LCN9: variants seen among roughly 807,000 people sequenced by gnomAD.
LCN9 encodes lipocalin 9.
In LCN9, 22 loss-of-function variants were observed where a neutral mutation model predicts 18.5. The observed-to-expected ratio is 1.19, with a 90% CI of 0.85 to 1.70. The LOEUF (loss-of-function observed/expected upper bound fraction) is 1.70. LCN9 is among the 40% of genes most tolerant of loss of function. The pLI is 0.00. For missense variants in LCN9, 202 were observed against 201.3 expected (o/e 1.00, Z -0.02); for synonymous variants, 89 against 83.0 (o/e 1.07, Z -0.39).
In LCN9 at chr9:135,664,880, C is replaced by G; in HGVS notation, c.307+85C>G. ...TGGGCCATATTCTGGTGAGCACTGA[C>G]TCTGGGGATTTTAGTTAAGCCCCTG... On this transcript the variant is annotated intron_variant, in intron 3 of 5. Transcript: ENST00000619315. The surrounding 1 kb of genome is among the most constrained non-coding windows in gnomAD (Gnocchi z 4.5). 7 of 1,384,950 alleles carry G rather than the reference C, an allele frequency of 5.1e-6. No homozygotes were observed. Among genetic ancestry groups the G allele is most frequent in the Non-Finnish European group, 6.9e-6 (7 of 1,009,532 alleles). 85.8% of individuals were successfully genotyped at this position (1,384,950 alleles called of 1,614,324 possible).
In LCN9 at chr9:135,666,023, C is replaced by T. The variant is rs984532301; in HGVS notation, c.*172C>T. 8.1e-6 allele frequency: 13 copies of T among 1,599,880 alleles called. No homozygotes were observed. The African/African-American group carries it at 9.3e-5, about 11-fold the overall frequency. On this transcript the variant is annotated 3_prime_UTR_variant, in exon 6 of 6. Coordinates refer to ENST00000619315, the Ensembl canonical transcript of LCN9. ...CCATCCCTCCCCCTGGTCTGGGAAC[C>T]GAACACAAGGTGCTTTGGTGAAAGA...
In LCN9 at chr9:135,665,608, C is replaced by A. The variant is rs1397576346; in HGVS notation, c.419-80C>A. ...CCAGCCTCAGCACTTCCTGAGCACC[C>A]CCAGCAAGGCCCAGCTTCACACAGA... On this transcript the variant is annotated intron_variant, in intron 4 of 5. Coordinates refer to ENST00000619315, the Ensembl canonical transcript of LCN9. This position sits in a 1 kb window ranked among gnomAD's most constrained non-coding sequence, Gnocchi z 5.9. 4 of 1,410,350 alleles carry A rather than the reference C, an allele frequency of 2.8e-6. No homozygotes were observed. Among genetic ancestry groups the A allele is most frequent in the African/African-American group, 1.4e-5 (1 of 70,506 alleles). The allele number at this position is 1,410,350 out of a possible 1,614,324, so 87.4% of individuals were successfully genotyped here.
At chr9:135,663,439 T>C (rs1564285621) in intron 1 of LCN9, 22 bp downstream of exon 1, 8 of 1,605,578 alleles carry the variant, frequency 5.0e-6, no homozygotes, top group Non-Finnish European at 6.8e-6. Context: ...TTGGGGTCTG[T>C]GGGGAAGGGG....
chr9:135,663,524 GC>G, intron 1 of LCN9, 107 bp downstream of exon 1: 1 of 694,732 alleles, frequency 1.4e-6, no homozygotes, highest in Non-Finnish European at 2.3e-6. Flanking sequence ...TCCAAGGGGA[GC>G]CCACCTCTCC....
rs747892840 is a variant in LCN9, at chr9:135,663,428, G to A, written c.96+11G>A. ...TACAACGTGGCCAGGGTGTGTCTGC[G>A]TTGGGGTCTGTGGGGAAGGGGCCAG... On this transcript the variant is annotated intron_variant, in intron 1 of 5. Transcript: ENST00000619315. The A allele has an allele frequency of 1.4e-5, 22 of 1,611,880 alleles. No homozygotes were observed. The highest frequency in any genetic ancestry group is 3.3e-5 in the South Asian group (3 of 91,040).
At position 135,664,916 on chromosome 9, in the gene LCN9, C is replaced by A. The variant is rs530839291; in HGVS notation, c.307+121C>A. 14 of 1,100,082 alleles carry A rather than the reference C, an allele frequency of 1.3e-5. No individual in the cohort carries two copies. In the Admixed American group the frequency reaches 1.5e-4, roughly 12 times the overall value. The allele number at this position is 1,100,082 out of a possible 1,614,324, so 68.1% of individuals were successfully genotyped here. A position where few individuals can be genotyped will look rare whatever the true frequency, so the allele number is the denominator to read the frequency against. On this transcript the variant is annotated intron_variant, in intron 3 of 5. Coordinates refer to ENST00000619315, the Ensembl canonical transcript of LCN9. The surrounding 1 kb of genome is among the most constrained non-coding windows in gnomAD (Gnocchi z 4.5). ...TTAGTTAAGCCCCTGACAGCTTGACCCTGAACTGGAGGGACCCATCCTGGC... is the reference window on the plus strand; with the variant it reads ...TTAGTTAAGCCCCTGACAGCTTGACACTGAACTGGAGGGACCCATCCTGGC...
chr9:135,664,655 G>T lies in LCN9; in HGVS notation c.234-67G>T. The T allele has an allele frequency of 7.3e-7, 1 of 1,375,432 alleles. No individual in the cohort carries two copies. Among genetic ancestry groups the T allele is most frequent in the African/African-American group, 1.5e-5 (1 of 68,380 alleles). 85.2% of individuals were successfully genotyped at this position (1,375,432 alleles called of 1,614,324 possible). On this transcript the variant is annotated intron_variant, in intron 2 of 5. Transcript: ENST00000619315. This position sits in a 1 kb window ranked among gnomAD's most constrained non-coding sequence, Gnocchi z 4.5. ...TGAGCCTGTGCCCTGGAGGAGGGGT[G>T]CTCTCTGCCATCGCACGTCCAGGGG... is the stretch of plus-strand genomic sequence containing the variant.
Position 135,665,245 on chromosome 9 carries a change from A to T in LCN9, c.308A>T (p.Tyr103Phe). ...CACGCTGAGCCATGTCTCCACGCAGATGAGGGCCAGAACACAGTGGCCGTC... is the reference window on the plus strand; with the variant it reads ...CACGCTGAGCCATGTCTCCACGCAGTTGAGGGCCAGAACACAGTGGCCGTC... The change falls in exon 4 of 6, where the codon TAT becomes TTT. Residue 103 changes from tyrosine to phenylalanine, a missense_variant and splice_region_variant. Coordinates refer to ENST00000619315, the Ensembl canonical transcript of LCN9. This position sits in a 1 kb window ranked among gnomAD's most constrained non-coding sequence, Gnocchi z 5.9. The T allele has an allele frequency of 6.3e-7, 1 of 1,584,458 alleles. No homozygotes were observed.
In LCN9 at chr9:135,663,391, A is replaced by G. The variant is rs200437673; in HGVS notation, c.70A>G (p.Met24Val). 3.4e-3 allele frequency: 5,503 copies of G among 1,613,904 alleles called. 18 individuals carry two copies. Among genetic ancestry groups the G allele is most frequent in the Middle Eastern group, 0.012 (73 of 6,058 alleles). Residue 24 changes from methionine to valine, a missense_variant, in exon 1 of 6, where the codon ATG becomes GTG. Physicochemically the swap from Met to Val is conservative, Grantham distance 21. Transcript: ENST00000619315. ...CCAGGAGTTCGATCCCCACACCGTT[A>G]TGCAGAGGAACTACAACGTGGCCAG...
chr9:135,664,812 C>T lies in LCN9; in HGVS notation c.307+17C>T. ...CCATCAACTGTAAGTGGAAGCCAGGCTCCTCCTGGTCTCACAGTCGGGGGT... is the reference window on the plus strand; with the variant it reads ...CCATCAACTGTAAGTGGAAGCCAGGTTCCTCCTGGTCTCACAGTCGGGGGT... On this transcript the variant is annotated intron_variant, in intron 3 of 5. Coordinates refer to ENST00000619315, the Ensembl canonical transcript of LCN9. The surrounding 1 kb of genome is among the most constrained non-coding windows in gnomAD (Gnocchi z 4.5). The T allele has an allele frequency of 6.4e-7, 1 of 1,569,244 alleles. No individual in the cohort carries two copies. Among genetic ancestry groups the T allele is most frequent in the Non-Finnish European group, 8.6e-7 (1 of 1,157,316 alleles).
In LCN9 at chr9:135,666,855, G is replaced by A. The variant is rs115086941; in HGVS notation, c.*1004G>A. 6.0e-3 allele frequency among the ~76,000 whole-genome samples: 907 copies of A among 151,436 alleles called. 7 individuals carry two copies. The highest frequency in any genetic ancestry group is 0.021 in the African/African-American group (873 of 41,160). On this transcript the variant is annotated 3_prime_UTR_variant, in exon 6 of 6. Transcript: ENST00000619315. ...CCCTCCCCTCCTGTCCCCTCCCTGG[G>A]CTCAGCCACTGCCTTTGGGGGAAGA... is the stretch of plus-strand genomic sequence containing the variant.
chr9:135,666,240 C>T, exon 6 of LCN9: 1 of 1,216,490 alleles, frequency 8.2e-7, no homozygotes, highest in Non-Finnish European at 1.1e-6. Flanking sequence ...GTCCGCAGGG[C>T]TGTGCTCCCT....
Position 135,665,898 on chromosome 9 carries a change from G to T in LCN9, c.*47G>T, listed in dbSNP as rs1330971100. ...CCAAGCATTACAGGAGCCCGCCCAG[G>T]CCTCCCATGCGTGAGCTGCGACTCG... On this transcript the variant is annotated 3_prime_UTR_variant, in exon 6 of 6. Coordinates refer to ENST00000619315, the Ensembl canonical transcript of LCN9. This position sits in a 1 kb window ranked among gnomAD's most constrained non-coding sequence, Gnocchi z 5.9. 3 of 1,611,974 alleles carry T rather than the reference G, an allele frequency of 1.9e-6. No homozygotes were observed. The highest frequency in any genetic ancestry group is 1.7e-6 in the Non-Finnish European group (2 of 1,179,390).
chr9:135,664,722 G>T lies in LCN9; in HGVS notation c.234G>T (p.Met78Ile). 6.3e-7 allele frequency: 1 copy of T among 1,584,498 alleles called. No homozygotes were observed. Among genetic ancestry groups the T allele is most frequent in the East Asian group, 2.3e-5 (1 of 43,738 alleles). The change falls in exon 3 of 6, where the codon ATG (methionine) becomes ATT (isoleucine). Residue 78 changes from methionine to isoleucine, a missense_variant and splice_region_variant. Physicochemically the swap from Met to Ile is conservative, Grantham distance 10. Coordinates refer to ENST00000619315, the Ensembl canonical transcript of LCN9. This position sits in a 1 kb window ranked among gnomAD's most constrained non-coding sequence, Gnocchi z 4.5. ...CGGCATCTTCCTGGCTGGCTTCCAGGGTGCAGGGGGAGTGTGTGGCTGTGG... is the reference window on the plus strand; with the variant it reads ...CGGCATCTTCCTGGCTGGCTTCCAGTGTGCAGGGGGAGTGTGTGGCTGTGG...
chr9:135,664,093 G>C lies in LCN9; in HGVS notation c.97-69G>C, dbSNP rs1031185368. 1.9e-6 allele frequency: 3 copies of C among 1,566,050 alleles called. No homozygotes were observed. The highest frequency in any genetic ancestry group is 2.6e-6 in the Non-Finnish European group (3 of 1,150,280). On this transcript the variant is annotated intron_variant, in intron 1 of 5. Coordinates refer to ENST00000619315, the Ensembl canonical transcript of LCN9. This position sits in a 1 kb window ranked among gnomAD's most constrained non-coding sequence, Gnocchi z 4.5. Reference sequence around the variant, plus strand: ...TAAGGGGCCGGGCCCTGGGAGGGAAGACTGTGGGCGCTAAGCATCCCCAGG... The same window carrying C: ...TAAGGGGCCGGGCCCTGGGAGGGAACACTGTGGGCGCTAAGCATCCCCAGG...
Position 135,664,709 on chromosome 9 carries a change from G to T in LCN9, c.234-13G>T. 1.9e-6 allele frequency: 3 copies of T among 1,573,948 alleles called. No homozygotes were observed. The highest frequency in any genetic ancestry group is 2.6e-6 in the Non-Finnish European group (3 of 1,163,138). ...GGAGCTCCACTCCCGGCATCTTCCTGGCTGGCTTCCAGGGTGCAGGGGGAG... is the reference window on the plus strand; with the variant it reads ...GGAGCTCCACTCCCGGCATCTTCCTTGCTGGCTTCCAGGGTGCAGGGGGAG... On this transcript the variant is annotated splice_polypyrimidine_tract_variant and intron_variant, in intron 2 of 5. Coordinates refer to ENST00000619315, the Ensembl canonical transcript of LCN9. The surrounding 1 kb of genome is among the most constrained non-coding windows in gnomAD (Gnocchi z 4.5).
chr9:135,665,035 G>A lies in LCN9; in HGVS notation c.308-210G>A, dbSNP rs1052968971. 1.3e-5 allele frequency among the ~76,000 whole-genome samples: 2 copies of A among 152,128 alleles called. No individual in the cohort carries two copies. Among genetic ancestry groups the A allele is most frequent in the South Asian group, 2.1e-4 (1 of 4,828 alleles). On this transcript the variant is annotated intron_variant, in intron 3 of 5. Coordinates refer to ENST00000619315, the Ensembl canonical transcript of LCN9. The surrounding 1 kb of genome is among the most constrained non-coding windows in gnomAD (Gnocchi z 5.9). ...GTGAGCCCACTGAGGGGCCACCAGG[G>A]TCTGCAAGCCAATGACAAGGAGGGA...
rs920146875 is a variant in LCN9 at position 135,664,402 on chromosome 9, G to T, written c.233+104G>T. The T allele has an allele frequency of 2.1e-6, 3 of 1,435,662 alleles. No individual in the cohort carries two copies. The Admixed American group carries it at 5.1e-5, about 25-fold the overall frequency. The allele number at this position is 1,435,662 out of a possible 1,614,324, so 88.9% of individuals were successfully genotyped here. A position where few individuals can be genotyped will look rare whatever the true frequency, so the allele number is the denominator to read the frequency against. ...CACACGCTCGCACACTCACTGACTTGCACTCTGGTGAGAGCCTGAGCCTGT... is the reference window on the plus strand; with the variant it reads ...CACACGCTCGCACACTCACTGACTTTCACTCTGGTGAGAGCCTGAGCCTGT... On this transcript the variant is annotated intron_variant, in intron 2 of 5. Transcript: ENST00000619315. The surrounding 1 kb of genome is among the most constrained non-coding windows in gnomAD (Gnocchi z 4.5).
At chr9:135,666,495 G>A (rs1834225057) in exon 6 of LCN9, 1 of 216,850 alleles carries the variant, frequency 4.6e-6, no homozygotes, top group African/African-American at 2.3e-5. Flanking sequence ...CCAGGCACTA[G>A]GAAAGGAGCA....
Sources: gnomAD v4.1 joint callset for allele counts (sites outside exome capture counted in the v4.1 genomes callset) on GRCh38, gnomAD v4.1.1 for gene constraint, Gnocchi (gnomAD v3.1) non-coding constraint, MANE v1.5 for transcripts, NCBI Gene and HGNC (gene_info 2026-07-23, HGNC 2026-07-21) for gene names.